SLC25A36: variants seen among roughly 807,000 people sequenced by gnomAD.
SLC25A36 encodes the protein solute carrier family 25 member 36.
In SLC25A36, 24 loss-of-function variants were observed where a neutral mutation model predicts 35.3. That is an observed-to-expected ratio of 0.68 (90% confidence interval 0.49 to 0.96). The LOEUF is 0.96. Among genes scored for constraint, SLC25A36 ranks in the 40% least tolerant of loss-of-function variants. The probability of loss-of-function intolerance (pLI) is 0.00; values close to 1 mark genes in which losing one functional copy is unlikely to be tolerated. For missense variants in SLC25A36, 294 were observed against 381.1 expected (o/e 0.77, Z 1.90); for synonymous variants, 141 against 132.2 (o/e 1.07, Z -0.46).
At chr3:140,948,333 ATTTC>A (rs1934223224) in intron 1 of SLC25A36, among the ~76,000 whole-genome samples, 1 of 149,554 alleles carries the variant, frequency 6.7e-6, no homozygotes, top group Non-Finnish European at 1.5e-5. Flanking sequence ...AGTGATTGAT[ATTTC>A]TTTTTTTTTT....
chr3:140,972,926 A>T (rs575333806), intron 5 of SLC25A36: 69 of 152,224 alleles, frequency 4.5e-4, no homozygotes, highest in African/African-American at 1.6e-3. Flanking sequence ...TAGCATTTAA[A>T]CCTGTCTCTT....
chr3:140,961,004 G>C (rs2107799384), intron 3 of SLC25A36, among the ~76,000 whole-genome samples: 1 of 152,296 alleles, frequency 6.6e-6, no homozygotes, highest in South Asian at 2.1e-4. Flanking sequence ...TTGCATCTTA[G>C]ATTGTTAACC....
intron 1 of SLC25A36, among the ~76,000 whole-genome samples, chr3:140,955,785 A>G (rs538207794): frequency 3.9e-5 from 6 of 152,076 alleles, no homozygotes; most frequent in Non-Finnish European, 5.9e-5. Flanking sequence ...CTGAACTCCT[A>G]TGCTCACACA....
At chr3:140,974,603 A>G (rs1934988990) in intron 6 of SLC25A36, among the ~76,000 whole-genome samples, 1 of 152,144 alleles carries the variant, frequency 6.6e-6, no homozygotes. Flanking sequence ...ATAATAGCCT[A>G]TTTCATTAAT....
intron 1 of SLC25A36, among the ~76,000 whole-genome samples, chr3:140,945,547 C>G (rs1934140173): frequency 6.6e-6 from 1 of 152,122 alleles, no homozygotes; most frequent in Non-Finnish European, 1.5e-5. Context: ...CAGGGATTCT[C>G]CTTCTTGAGA....
intron 1 of SLC25A36, among the ~76,000 whole-genome samples, chr3:140,950,112 T>C (rs1934279283): frequency 6.6e-6 from 1 of 152,186 alleles, no homozygotes; most frequent in Admixed American, 6.5e-5. Context: ...ATATATAATT[T>C]GATAACAGTT....
rs1553726051 is a variant in SLC25A36 at position 140,950,918 on chromosome 3, C to CTGTGTGTCTGTGTGTGTGTGTGTG, written c.42-5602_42-5601insCTGTGTGTGTGTGTGTGTGTGTGT. On this transcript the variant is annotated intron_variant, in intron 1 of 6. Transcript: ENST00000324194. ...TGTGTCTCTGTGTGTGTCTGTGTGT[C>CTGTGTGTCTGTGTGTGTGTGTGTG]TGTGTGTGTGTGTGTGTGTGTGTAA... Among the ~76,000 whole-genome samples, 1,095 of 136,444 alleles carry CTGTGTGTCTGTGTGTGTGTGTGTG rather than the reference C, an allele frequency of 8.0e-3. 26 individuals carry two copies. Among genetic ancestry groups the CTGTGTGTCTGTGTGTGTGTGTGTG allele is most frequent in the African/African-American group, 0.028 (1,030 of 37,152 alleles). 89.5% of individuals were successfully genotyped at this position (136,444 alleles called of 152,430 possible).
At chr3:140,965,458 T>C (rs1934736323) in intron 4 of SLC25A36, 1 of 151,806 alleles carries the variant, frequency 6.6e-6, no homozygotes, top group Non-Finnish European at 1.5e-5. Flanking sequence ...CCTGCAAGAT[T>C]TTAACACACC....
At chr3:140,959,629 A>G (rs1934579921) in intron 3 of SLC25A36, 89 bp downstream of exon 3, 1 of 540,120 alleles carries the variant, frequency 1.9e-6, no homozygotes. Context: ...AGATACAGTT[A>G]AATTTATAAA....
rs77926656 is a variant in SLC25A36 at position 140,956,681 on chromosome 3, C to A, written c.196C>A (p.His66Asn). ...CCGAGTAGTGTCTCCCGGACCTCTT[C>A]ATTGCCTAAAGTGAGAGCATAGTAT... Reference protein sequence around the residue: ...VNRVVSPGPLHCLKVILEKEG... With the variant: ...VNRVVSPGPLNCLKVILEKEG... Residue 66 changes from histidine to asparagine, a missense_variant, in exon 2 of 7, where the codon CAT becomes AAT. Physicochemically the swap from His to Asn is moderately conservative, Grantham distance 68. Around this residue, in one of 2 missense-constraint regions of SLC25A36, gnomAD observed 185 missense variants for 201.5 expected, o/e 0.92. Transcript: ENST00000324194. The A allele has an allele frequency of 1.2e-6, 2 of 1,609,192 alleles. No homozygotes were observed. Among genetic ancestry groups the A allele is most frequent in the African/African-American group, 2.7e-5 (2 of 74,596 alleles).
chr3:140,951,570 G>A (rs969397703), intron 1 of SLC25A36, among the ~76,000 whole-genome samples: 2 of 151,992 alleles, frequency 1.3e-5, no homozygotes, highest in East Asian at 1.9e-4. Flanking sequence ...TGCAACCTCC[G>A]CCTCCCAGGT....
chr3:140,965,476 A>G (rs927707682), intron 4 of SLC25A36: 10 of 151,854 alleles, frequency 6.6e-5, no homozygotes, highest in Non-Finnish European at 1.3e-4. Flanking sequence ...ACCAGATAGC[A>G]CACACATTAA....
At chr3:140,946,552 G>A (rs1356088678) in intron 1 of SLC25A36, among the ~76,000 whole-genome samples, 1 of 152,218 alleles carries the variant, frequency 6.6e-6, no homozygotes, top group Non-Finnish European at 1.5e-5. Context: ...ATTCAGACTA[G>A]GTTGGAAGCA....
intron 4 of SLC25A36, chr3:140,966,679 C>T: frequency 8.9e-6 from 3 of 338,406 alleles, no homozygotes; most frequent in South Asian, 4.8e-5. Flanking sequence ...TTCTTTAAGG[C>T]AGAATTGATC....
At chr3:140,950,912 GTGTGTC>G (rs59477992) in intron 1 of SLC25A36, among the ~76,000 whole-genome samples, 2,628 of 130,206 alleles carry the variant, frequency 0.02, 31 homozygotes, top group East Asian at 0.081. Flanking sequence ...GTGTGTGTCT[GTGTGTC>G]TGTGTGTGTG....
At chr3:140,976,101 G>A (rs955844362) in intron 6 of SLC25A36, among the ~76,000 whole-genome samples, 159 bp from the exon 7 acceptor site, 5 of 152,120 alleles carry the variant, frequency 3.3e-5, no homozygotes, top group African/African-American at 1.2e-4. Context: ...GAAGTTTGAT[G>A]TTACTATAAT....
chr3:140,956,205 A>G (rs2107792842), intron 1 of SLC25A36, among the ~76,000 whole-genome samples: 2 of 152,316 alleles, frequency 1.3e-5, no homozygotes, highest in South Asian at 2.1e-4. Flanking sequence ...CATGAGTACT[A>G]AATCAAACCT....
intron 4 of SLC25A36, chr3:140,968,193 T>C: frequency 1.1e-6 from 1 of 938,666 alleles, no homozygotes; most frequent in Non-Finnish European, 1.3e-6. Flanking sequence ...CCTAGTAATG[T>C]CTATTTAGTT....
rs1358195207 is a variant in SLC25A36, at chr3:140,976,138, T to C, written c.743-122T>C. ...TGACTGGTTTCAATAAGCTACACAT[T>C]AGAAGCCATCCTTTTTTATCCTGAG... On this transcript the variant is annotated intron_variant, in intron 6 of 6. Transcript: ENST00000324194. 12 of 669,706 alleles carry C rather than the reference T, an allele frequency of 1.8e-5. No individual in the cohort carries two copies. The East Asian group carries it at 2.5e-4, about 14-fold the overall frequency. 41.5% of individuals were successfully genotyped at this position (669,706 alleles called of 1,614,324 possible). A position where few individuals can be genotyped will look rare whatever the true frequency, so the allele number is the denominator to read the frequency against.
Sources: gnomAD v4.1 joint callset for allele counts (sites outside exome capture counted in the v4.1 genomes callset) on GRCh38, gnomAD v4.1.1 for gene constraint, gnomAD v4.1.1 regional missense constraint, MANE v1.5 for transcripts, NCBI Gene and HGNC (gene_info 2026-07-23, HGNC 2026-07-21) for gene names.